EIF4G3: variants seen among roughly 807,000 people sequenced by gnomAD.
The protein encoded by EIF4G3 is eukaryotic translation initiation factor 4 gamma 3, also known as eIF-4-gamma 3.
EIF4G3 carries 34 observed loss-of-function variants against 186.4 expected under a neutral mutation model. The ratio of observed to expected loss-of-function variants is 0.18; its 90% CI spans 0.14 to 0.24. The LOEUF (loss-of-function observed/expected upper bound fraction) is 0.24. Among genes scored for constraint, EIF4G3 ranks in the 10% least tolerant of loss-of-function variants. The probability of loss-of-function intolerance (pLI) is 1.00; values close to 1 mark genes in which losing one functional copy is unlikely to be tolerated. For missense variants in EIF4G3, 1,536 were observed against 1,948.5 expected (o/e 0.79, Z 3.99); for synonymous variants, 673 against 679.5 (o/e 0.99, Z 0.15).
intron 12 of EIF4G3, among the ~76,000 whole-genome samples, chr1:20,965,256 T>C (rs1453950802): frequency 6.6e-6 from 1 of 152,190 alleles, no homozygotes; most frequent in Admixed American, 6.5e-5. Context: ...AAACTCATTA[T>C]ATCCCGCTCT....
chr1:20,925,044 A>C (rs1252240845), intron 14 of EIF4G3, among the ~76,000 whole-genome samples: 2 of 152,252 alleles, frequency 1.3e-5, no homozygotes, highest in Non-Finnish European at 2.9e-5. Flanking sequence ...TCCCCAGAGA[A>C]AATCATTATT....
chr1:20,817,277 T>TAAAAAAAAAAAAAAAAAAAAA (rs376814165), intron 34 of EIF4G3, 115 bp downstream of exon 34: 1 of 255,546 alleles, frequency 3.9e-6, no homozygotes, highest in African/African-American at 2.7e-5. Flanking sequence ...AATAAATAAA[T>TAAAAAAAAAAAAAAAAAAAAA]AAAAAAAAAT....
chr1:20,927,540 TGAC>T (rs2094997737), intron 14 of EIF4G3, among the ~76,000 whole-genome samples: 1 of 152,160 alleles, frequency 6.6e-6, no homozygotes, highest in Non-Finnish European at 1.5e-5. Context: ...TGTAAGATAA[TGAC>T]AGTCTGTGAA....
At chr1:20,903,831 A>G (rs1408253485) in intron 15 of EIF4G3, among the ~76,000 whole-genome samples, 2 of 152,240 alleles carry the variant, frequency 1.3e-5, no homozygotes, top group Non-Finnish European at 2.9e-5. Context: ...GATAATTTTT[A>G]TATTTTATCA....
intron 14 of EIF4G3, among the ~76,000 whole-genome samples, chr1:20,928,099 T>C (rs2095049727): frequency 6.6e-6 from 1 of 152,006 alleles, no homozygotes; most frequent in Non-Finnish European, 1.5e-5. Flanking sequence ...AGGTGGTACA[T>C]TCAATACCAA....
chr1:20,997,287 A>G (rs1018520156), intron 7 of EIF4G3, among the ~76,000 whole-genome samples: 2 of 152,016 alleles, frequency 1.3e-5, no homozygotes, highest in African/African-American at 4.8e-5. Context: ...CTTACTACAA[A>G]TATCCACAAA....
chr1:20,950,914 T>C (rs1039652153), intron 12 of EIF4G3, among the ~76,000 whole-genome samples: 2 of 152,152 alleles, frequency 1.3e-5, no homozygotes, highest in Admixed American at 6.5e-5. Flanking sequence ...TCTAGGCAGG[T>C]ATTCATTCAG....
At chr1:20,930,083 A>G (rs1430294218) in intron 14 of EIF4G3, among the ~76,000 whole-genome samples, 1 of 152,218 alleles carries the variant, frequency 6.6e-6, no homozygotes, top group African/African-American at 2.4e-5. Context: ...AATAATGCAT[A>G]TTATCTGAAT....
intron 25 of EIF4G3, among the ~76,000 whole-genome samples, chr1:20,855,932 A>T (rs1188607178): frequency 6.6e-6 from 1 of 152,226 alleles, no homozygotes; most frequent in African/African-American, 2.4e-5. Flanking sequence ...TGATACCAGC[A>T]CTGTTTTTAT....
At chr1:20,865,041 G>A in intron 21 of EIF4G3, 75 bp downstream of exon 21, 1 of 1,540,012 alleles carries the variant, frequency 6.5e-7, no homozygotes, top group South Asian at 1.2e-5. Flanking sequence ...GGGAGATGCT[G>A]TATCTAGCTT....
chr1:21,048,087 G>A (rs889628591), intron 4 of EIF4G3, among the ~76,000 whole-genome samples: 1 of 152,162 alleles, frequency 6.6e-6, no homozygotes, highest in African/African-American at 2.4e-5. Context: ...GGTTTCTAAA[G>A]GCACCTGGTA....
intron 10 of EIF4G3, among the ~76,000 whole-genome samples, chr1:20,978,815 G>A (rs2077393239): frequency 6.6e-6 from 1 of 151,392 alleles, no homozygotes; most frequent in South Asian, 2.1e-4. Context: ...AGTTTCCCAA[G>A]ACAATATCAA....
chr1:21,117,763 T>TAAAAAAAAAAAAAAAAAA (rs757506833), intron 2 of EIF4G3, among the ~76,000 whole-genome samples: 187 of 107,296 alleles, frequency 1.7e-3, no homozygotes, highest in Middle Eastern at 0.01. Context: ...AAAAAAAAAT[T>TAAAAAAAAAAAAAAAAAA]AAAAGCAGAA....
At chr1:21,046,578 G>A (rs1472591688) in intron 4 of EIF4G3, among the ~76,000 whole-genome samples, 1 of 152,186 alleles carries the variant, frequency 6.6e-6, no homozygotes, top group African/African-American at 2.4e-5. Flanking sequence ...TTGAGTCACA[G>A]ACATAGGTAG....
intron 7 of EIF4G3, among the ~76,000 whole-genome samples, chr1:20,993,794 A>T (rs2081631396): frequency 4.6e-5 from 7 of 152,206 alleles, no homozygotes; most frequent in Admixed American, 4.6e-4. Context: ...AAGTATGTAA[A>T]ACCCAAAATA....
intron 3 of EIF4G3, among the ~76,000 whole-genome samples, chr1:21,069,866 A>G (rs1229104915): frequency 6.6e-6 from 1 of 152,234 alleles, no homozygotes; most frequent in Non-Finnish European, 1.5e-5. Flanking sequence ...AGGATGAGCT[A>G]ATCATGGGTA....
At chr1:20,826,481 C>CT (rs71014120) in intron 32 of EIF4G3, among the ~76,000 whole-genome samples, 14,107 of 50,788 alleles carry the variant, frequency 0.28, 3,383 homozygotes, top group Non-Finnish European at 0.36. Flanking sequence ...GTGAGTCTTT[C>CT]TTTTTTTTTT....
intron 3 of EIF4G3, among the ~76,000 whole-genome samples, chr1:21,053,845 T>TG (rs1307782256): frequency 1.2e-4 from 17 of 141,504 alleles, no homozygotes; most frequent in South Asian, 2.3e-4. Flanking sequence ...GGGAGGGAGG[T>TG]GGGGGGGTCA....
intron 3 of EIF4G3, among the ~76,000 whole-genome samples, chr1:21,054,711 G>A (rs2094483273): frequency 6.6e-6 from 1 of 152,104 alleles, no homozygotes; most frequent in East Asian, 1.9e-4. Flanking sequence ...AATTCACTCA[G>A]TCAAAAGGTC....
Sources: allele counts gnomAD v4.1 joint callset (sites outside exome capture counted in the v4.1 genomes callset), GRCh38; gene constraint gnomAD v4.1.1; transcripts MANE v1.5; gene names NCBI Gene and HGNC (gene_info 2026-07-23, HGNC 2026-07-21).